Variants in DLGAP2 observed in about 807,000 individuals in gnomAD.
DLGAP2 encodes disks large-associated protein 2.
DLGAP2 carries 26 observed loss-of-function variants against 100.3 expected under a neutral mutation model. The ratio of observed to expected loss-of-function variants is 0.26; its 90% confidence interval spans 0.19 to 0.36. The LOEUF (loss-of-function observed/expected upper bound fraction) is 0.36. Ranked by LOEUF, DLGAP2 falls within the 10% of genes least tolerant of loss-of-function variation. DLGAP2 has a pLI of 1.00. For synonymous variants in DLGAP2, 886 were observed against 630.1 expected (o/e 1.41, Z -6.08); for missense variants, 1,858 against 1,453.2 (o/e 1.28, Z -4.53).
At chr8:988,166 G>C (rs1800542374) in intron 2 of DLGAP2, among the ~76,000 whole-genome samples, 1 of 152,190 alleles carries the variant, frequency 6.6e-6, no homozygotes, top group African/African-American at 2.4e-5. Flanking sequence ...TGATTTTTAT[G>C]TGGAATGTAT....
intron 3 of DLGAP2, among the ~76,000 whole-genome samples, chr8:1,303,402 C>CAAAAAAAAAA (rs374350701): frequency 1.0e-4 from 13 of 125,342 alleles, no homozygotes; most frequent in Non-Finnish European, 1.7e-4. Flanking sequence ...GTCTCAAAAA[C>CAAAAAAAAAA]AAAAAAAAAA....
chr8:1,665,213 T>A (rs1194218448), intron 8 of DLGAP2, among the ~76,000 whole-genome samples: 1 of 152,176 alleles, frequency 6.6e-6, no homozygotes, highest in Non-Finnish European at 1.5e-5. Context: ...TTTGTGAAAT[T>A]TTTCAGACTC....
intron 3 of DLGAP2, among the ~76,000 whole-genome samples, chr8:1,305,303 G>C (rs1399727284): frequency 6.6e-6 from 1 of 152,224 alleles, no homozygotes; most frequent in African/African-American, 2.4e-5. Flanking sequence ...TCTGTCTTCA[G>C]TGGCTGTTGT....
intron 3 of DLGAP2, among the ~76,000 whole-genome samples, chr8:1,304,127 G>A: frequency 6.6e-6 from 1 of 152,230 alleles, no homozygotes; most frequent in Admixed American, 6.5e-5. Flanking sequence ...TAATATTCAT[G>A]AAATTGCAAG....
intron 1 of DLGAP2, among the ~76,000 whole-genome samples, chr8:741,075 C>T (rs1397292118): frequency 1.3e-5 from 2 of 152,208 alleles, no homozygotes; most frequent in Non-Finnish European, 2.9e-5. Context: ...TAGTTTTCAT[C>T]ATACGAGGCT....
chr8:1,553,276 T>A (rs1036528631), intron 5 of DLGAP2, among the ~76,000 whole-genome samples: 1 of 152,190 alleles, frequency 6.6e-6, no homozygotes, highest in Non-Finnish European at 1.5e-5. Context: ...CCTCTTCTAG[T>A]GTCTTCCCCA....
intron 2 of DLGAP2, among the ~76,000 whole-genome samples, chr8:998,146 C>T (rs1003667464): frequency 2.0e-5 from 3 of 152,102 alleles, no homozygotes; most frequent in Non-Finnish European, 4.4e-5. Flanking sequence ...CATGTGCATA[C>T]ACAACACACA....
At chr8:1,169,202 C>A (rs376973412) in intron 2 of DLGAP2, among the ~76,000 whole-genome samples, 1 of 152,006 alleles carries the variant, frequency 6.6e-6, no homozygotes, top group Non-Finnish European at 1.5e-5. Flanking sequence ...AGATATGCGG[C>A]GTTATTTCTG....
chr8:1,104,964 C>T (rs1804708004), intron 2 of DLGAP2: 1 of 152,234 alleles, frequency 6.6e-6, no homozygotes, highest in South Asian at 2.1e-4. Flanking sequence ...CTCGACTCGC[C>T]AGACGCCCTG....
chr8:1,270,716 G>T (rs1442270800), intron 3 of DLGAP2, among the ~76,000 whole-genome samples: 1 of 151,460 alleles, frequency 6.6e-6, no homozygotes, highest in African/African-American at 2.4e-5. Flanking sequence ...GTGTGTGTGT[G>T]TGTGTCTCCC....
At chr8:1,378,809 GA>G (rs753391118) in intron 3 of DLGAP2, among the ~76,000 whole-genome samples, 1 of 152,188 alleles carries the variant, frequency 6.6e-6, no homozygotes, top group Non-Finnish European at 1.5e-5. Context: ...CATTTCCCCA[GA>G]TTCTTTCAAA....
intron 3 of DLGAP2, among the ~76,000 whole-genome samples, chr8:1,408,345 G>A (rs1365455808): frequency 6.6e-6 from 1 of 152,212 alleles, no homozygotes; most frequent in Non-Finnish European, 1.5e-5. Flanking sequence ...CCCTCGGGGA[G>A]GCGTCTGTGT....
intron 1 of DLGAP2, among the ~76,000 whole-genome samples, chr8:824,413 T>C (rs1796647594): frequency 6.6e-6 from 1 of 152,094 alleles, no homozygotes; most frequent in Admixed American, 6.6e-5. Flanking sequence ...GCACAGCCCC[T>C]CTTGATTTAG....
At chr8:868,428 G>A (rs1399449724) in intron 1 of DLGAP2, among the ~76,000 whole-genome samples, 1 of 152,174 alleles carries the variant, frequency 6.6e-6, no homozygotes, top group African/African-American at 2.4e-5. Flanking sequence ...CATCTTACAC[G>A]ACACTCACAG....
chr8:1,359,148 C>T (rs1801920395), intron 3 of DLGAP2, among the ~76,000 whole-genome samples: 1 of 152,160 alleles, frequency 6.6e-6, no homozygotes, highest in Non-Finnish European at 1.5e-5. Flanking sequence ...CCCTCTAGGC[C>T]ACGTATCCCT....
In DLGAP2 at chr8:1,237,201, C is replaced by T. The variant is rs1159704099; in HGVS notation, c.74-21650C>T. On this transcript the variant is annotated intron_variant, in intron 2 of 14. Transcript: ENST00000637795. ...CATGGCGCCGTGTGTAGTTCTCTCA[C>T]GTGGTGCCGTGTCTAGTTCTCTCAC... 2.1e-5 allele frequency among the ~76,000 whole-genome samples: 3 copies of T among 142,146 alleles called. 1 individual carries two copies. Among genetic ancestry groups the T allele is most frequent in the African/African-American group, 5.7e-5 (2 of 35,252 alleles). The allele number at this position is 142,146 out of a possible 152,430, so 93.3% of individuals were successfully genotyped here. A position where few individuals can be genotyped will look rare whatever the true frequency, so the allele number is the denominator to read the frequency against.
At position 1,438,538 on chromosome 8, in the gene DLGAP2, A is replaced by C. The variant is rs181697448; in HGVS notation, c.107-62828A>C. Among the ~76,000 whole-genome samples the C allele has an allele frequency of 5.3e-5, 8 of 152,352 alleles. No individual in the cohort carries two copies. The East Asian group carries it at 1.5e-3, about 29-fold the overall frequency. Reference sequence around the variant, plus strand: ...GTGACTCACCACTAGCTTTTGACTAAGTAATTTTTTTCTTTTCAAAAGAAT... The same window carrying C: ...GTGACTCACCACTAGCTTTTGACTACGTAATTTTTTTCTTTTCAAAAGAAT... On this transcript the variant is annotated intron_variant, in intron 3 of 14. Transcript: ENST00000637795.
chr8:1,119,873 A>G (rs1795995071), intron 2 of DLGAP2, among the ~76,000 whole-genome samples: 1 of 152,084 alleles, frequency 6.6e-6, no homozygotes, highest in Non-Finnish European at 1.5e-5. Context: ...GGGGTCCAGC[A>G]CCCTAGCTTA....
intron 1 of DLGAP2, 88 bp from the exon 2 acceptor site, chr8:907,824 A>G (rs1798411149): frequency 1.0e-5 from 4 of 397,388 alleles, no homozygotes; most frequent in East Asian, 3.6e-5. Context: ...GAACTACCTT[A>G]TTAGAAGAAA....
Sources: gnomAD v4.1 joint callset for allele counts (sites outside exome capture counted in the v4.1 genomes callset) on GRCh38, gnomAD v4.1.1 for gene constraint, MANE v1.5 for transcripts, NCBI Gene and HGNC (gene_info 2026-07-23, HGNC 2026-07-21) for gene names.